SPAG16: variants seen among roughly 807,000 people sequenced by gnomAD.
The protein encoded by SPAG16 is sperm-associated antigen 16 protein.
In SPAG16, 86 loss-of-function variants were observed where a neutral mutation model predicts 80.4. The observed-to-expected ratio is 1.07, with a 90% CI of 0.90 to 1.28. The LOEUF (loss-of-function observed/expected upper bound fraction) is 1.28. Ranked by LOEUF, SPAG16 falls within the 50% of genes most tolerant of loss-of-function variation. The probability of loss-of-function intolerance (pLI) is 0.00; values close to 1 mark genes in which losing one functional copy is unlikely to be tolerated. For missense variants in SPAG16, 870 were observed against 765.3 expected (o/e 1.14, Z -1.61); for synonymous variants, 294 against 265.9 (o/e 1.11, Z -1.03).
At chr2:213,420,992 G>A (rs561032173) in intron 9 of SPAG16, among the ~76,000 whole-genome samples, 46 of 152,326 alleles carry the variant, frequency 3.0e-4, no homozygotes, top group Non-Finnish European at 5.9e-4. Context: ...GGCCAGGGCT[G>A]CAGGAGAGTC....
At chr2:214,001,985 G>A (rs79396085) in intron 12 of SPAG16, among the ~76,000 whole-genome samples, 5 of 152,184 alleles carry the variant, frequency 3.3e-5, no homozygotes, top group Non-Finnish European at 7.3e-5. Flanking sequence ...GTGGCTGAAT[G>A]TGAAAGGCAC....
At chr2:214,140,283 T>A (rs1278245442) in intron 14 of SPAG16, among the ~76,000 whole-genome samples, 2 of 151,926 alleles carry the variant, frequency 1.3e-5, no homozygotes, top group Non-Finnish European at 2.9e-5. Flanking sequence ...CTTCCAAACT[T>A]TTTTTTAAAC....
chr2:213,533,629 G>A (rs1215560093), intron 10 of SPAG16, among the ~76,000 whole-genome samples: 1 of 151,716 alleles, frequency 6.6e-6, no homozygotes, highest in Non-Finnish European at 1.5e-5. Flanking sequence ...AATTAATGTG[G>A]GATTATTTCA....
chr2:214,333,821 T>A (rs1697095344), intron 15 of SPAG16, among the ~76,000 whole-genome samples: 1 of 152,176 alleles, frequency 6.6e-6, no homozygotes, highest in Admixed American at 6.5e-5. Flanking sequence ...ACCCAAAGAA[T>A]TGAGATGGAA....
At position 214,149,130 on chromosome 2, in the gene SPAG16, T is replaced by C. The variant is rs199848686; in HGVS notation, c.1594-10T>C. 6.6e-7 allele frequency: 1 copy of C among 1,508,952 alleles called. No homozygotes were observed. Among genetic ancestry groups the C allele is most frequent in the Non-Finnish European group, 8.9e-7 (1 of 1,127,672 alleles). 93.5% of individuals were successfully genotyped at this position (1,508,952 alleles called of 1,614,324 possible). On this transcript the variant is annotated splice_polypyrimidine_tract_variant and intron_variant, in intron 14 of 15. Transcript: ENST00000331683. ...ACACATTTTATTTTTGTTTATCTTA[T>C]ATTTTGAAGGGTCACATGATAGCAT...
chr2:214,388,229 A>G (rs995440398), intron 15 of SPAG16, among the ~76,000 whole-genome samples: 17 of 152,026 alleles, frequency 1.1e-4, no homozygotes, highest in Admixed American at 5.2e-4. Context: ...AAATAGATAC[A>G]GGTTTGGTAG....
chr2:214,015,437 G>A (rs7588147), intron 13 of SPAG16, among the ~76,000 whole-genome samples: 85,645 of 151,772 alleles, frequency 0.56, 25,357 homozygotes, highest in South Asian at 0.78. Flanking sequence ...CATCTCTACT[G>A]AAAATACAAA....
At chr2:214,006,192 C>A (rs948879112) in intron 12 of SPAG16, among the ~76,000 whole-genome samples, 2 of 152,110 alleles carry the variant, frequency 1.3e-5, no homozygotes, top group South Asian at 4.1e-4. Context: ...CTATTAGCCA[C>A]ATTTTGTTGA....
chr2:213,507,248 C>T (rs1437316264), intron 10 of SPAG16, among the ~76,000 whole-genome samples: 1 of 152,180 alleles, frequency 6.6e-6, no homozygotes, highest in South Asian at 2.1e-4. Flanking sequence ...AATAATTATA[C>T]ATTGTACTGC....
chr2:213,887,253 C>G (rs1022219612), intron 11 of SPAG16, among the ~76,000 whole-genome samples: 4 of 152,034 alleles, frequency 2.6e-5, no homozygotes, highest in Non-Finnish European at 2.9e-5. Context: ...TTCTCTGTTC[C>G]TGAATCCTAT....
chr2:214,177,766 C>G (rs1291957158), intron 15 of SPAG16, among the ~76,000 whole-genome samples: 1 of 149,140 alleles, frequency 6.7e-6, no homozygotes, highest in Non-Finnish European at 1.5e-5. Flanking sequence ...TCAAATTAAC[C>G]TAACAAACAA....
chr2:213,928,721 C>G (rs144420224), intron 11 of SPAG16, among the ~76,000 whole-genome samples: 3 of 151,998 alleles, frequency 2.0e-5, no homozygotes, highest in Non-Finnish European at 4.4e-5. Context: ...GGCTTGGTGC[C>G]GTAGAAACAG....
chr2:214,032,815 T>C (rs2048482919), intron 13 of SPAG16, among the ~76,000 whole-genome samples: 1 of 152,194 alleles, frequency 6.6e-6, no homozygotes, highest in Non-Finnish European at 1.5e-5. Flanking sequence ...AAAGTTTAGG[T>C]GCAAAGACTA....
At chr2:213,758,936 A>T (rs1180162119) in intron 10 of SPAG16, among the ~76,000 whole-genome samples, 1 of 152,242 alleles carries the variant, frequency 6.6e-6, no homozygotes, top group Non-Finnish European at 1.5e-5. Context: ...TATATTACTT[A>T]TAAGGAATAA....
intron 9 of SPAG16, among the ~76,000 whole-genome samples, chr2:213,404,663 C>G (rs557638683): frequency 1.1e-4 from 16 of 152,276 alleles, no homozygotes; most frequent in African/African-American, 2.4e-4. Flanking sequence ...GACTTCATGT[C>G]TAAAACACCA....
At chr2:213,823,961 T>A (rs374135389) in intron 10 of SPAG16, among the ~76,000 whole-genome samples, 7 of 152,232 alleles carry the variant, frequency 4.6e-5, no homozygotes, top group African/African-American at 1.7e-4. Context: ...CAATTGCTTT[T>A]GGCATTTTTT....
At chr2:214,317,175 T>C (rs908334861) in intron 15 of SPAG16, among the ~76,000 whole-genome samples, 10 of 152,160 alleles carry the variant, frequency 6.6e-5, no homozygotes, top group African/African-American at 2.4e-4. Context: ...GATTTCACAG[T>C]TGAGAAAACC....
intron 10 of SPAG16, among the ~76,000 whole-genome samples, chr2:213,620,615 A>G (rs952430374): frequency 3.9e-5 from 6 of 152,012 alleles, no homozygotes; most frequent in African/African-American, 1.4e-4. Context: ...TCAAAAAGCT[A>G]GAAGAGATGA....
chr2:213,642,509 G>C (rs988009563), intron 10 of SPAG16, among the ~76,000 whole-genome samples: 1 of 152,090 alleles, frequency 6.6e-6, no homozygotes, highest in African/African-American at 2.4e-5. Context: ...AAACATTTGA[G>C]TCAGTGGGTT....
Sources: gnomAD v4.1 joint callset for allele counts (sites outside exome capture counted in the v4.1 genomes callset) on GRCh38, gnomAD v4.1.1 for gene constraint, MANE v1.5 for transcripts, NCBI Gene and HGNC (gene_info 2026-07-23, HGNC 2026-07-21) for gene names.